The following FAM114A1 variants were observed in gnomAD, a reference collection of about 807,000 sequenced individuals.
FAM114A1 encodes the protein protein NOXP20.
A neutral mutation model predicts 64.3 loss-of-function variants in FAM114A1; 62 were observed. That is an observed-to-expected ratio of 0.96 (90% CI 0.79 to 1.19). FAM114A1 has a LOEUF of 1.19. Among genes scored for constraint, FAM114A1 ranks in the 50% most tolerant of loss-of-function variants. The pLI, the probability that FAM114A1 is intolerant of heterozygous loss-of-function variation, is 0.00. For synonymous variants in FAM114A1, 254 were observed against 251.1 expected (o/e 1.01, Z -0.11); for missense variants, 645 against 676.3 (o/e 0.95, Z 0.51).
intron 3 of FAM114A1, among the ~76,000 whole-genome samples, chr4:38,887,988 C>CT (rs1299160759): frequency 6.6e-6 from 1 of 152,116 alleles, no homozygotes; most frequent in Admixed American, 6.6e-5. Flanking sequence ...TACGCAGCAC[C>CT]TGATTCTTGA....
At chr4:38,886,871 T>C (rs1579311232) in intron 3 of FAM114A1, among the ~76,000 whole-genome samples, 1 of 142,466 alleles carries the variant, frequency 7.0e-6, no homozygotes, top group Admixed American at 7.5e-5. Context: ...GAGGCTGCAG[T>C]GAACCAAAAT....
chr4:38,875,500 T>C (rs889374144), intron 2 of FAM114A1, among the ~76,000 whole-genome samples: 3 of 152,264 alleles, frequency 2.0e-5, no homozygotes, highest in Admixed American at 1.3e-4. Flanking sequence ...GAAATGCTAC[T>C]GATTTTTGTA....
intron 6 of FAM114A1, 24 bp downstream of exon 6, chr4:38,905,885 C>T (rs1318191297): frequency 2.5e-6 from 4 of 1,592,688 alleles, no homozygotes; most frequent in Non-Finnish European, 3.4e-6. Context: ...TGCTTCCTCT[C>T]TTTCCCCTGT....
chr4:38,903,981 C>G (rs374022703), intron 4 of FAM114A1, among the ~76,000 whole-genome samples: 6 of 152,160 alleles, frequency 3.9e-5, no homozygotes, highest in Admixed American at 6.5e-5. Context: ...AAATGCTACT[C>G]TTTAGGTTTG....
At position 38,906,974 on chromosome 4, in the gene FAM114A1, G is replaced by A. The variant is rs373721941; in HGVS notation, c.657+1113G>A. Among the ~76,000 whole-genome samples the A allele has an allele frequency of 5.3e-5, 8 of 152,272 alleles. No homozygotes were observed. In the East Asian group the frequency reaches 1.2e-3, roughly 22 times the overall value. On this transcript the variant is annotated intron_variant, in intron 6 of 14. Transcript: ENST00000358869. ...GTTCCAGTATCTATGCTAGATCTTGGATATATGCTGGCAAACAAGAGGGCA... is the reference window on the plus strand; with the variant it reads ...GTTCCAGTATCTATGCTAGATCTTGAATATATGCTGGCAAACAAGAGGGCA...
At chr4:38,894,494 A>T (rs1471216533) in intron 4 of FAM114A1, among the ~76,000 whole-genome samples, 2 of 152,212 alleles carry the variant, frequency 1.3e-5, no homozygotes, top group Non-Finnish European at 2.9e-5. Flanking sequence ...CTTTTTAAGT[A>T]GTAATGTCAG....
intron 8 of FAM114A1, among the ~76,000 whole-genome samples, chr4:38,922,353 G>A (rs1292691176): frequency 2.0e-5 from 3 of 152,264 alleles, no homozygotes; most frequent in Non-Finnish European, 2.9e-5. Context: ...CCATTTTATG[G>A]ATAAAGAAGC....
chr4:38,939,377 C>G (rs1207942270), intron 13 of FAM114A1, among the ~76,000 whole-genome samples: 1 of 152,152 alleles, frequency 6.6e-6, no homozygotes, highest in African/African-American at 2.4e-5. Context: ...AGCCATTATT[C>G]ATAACTTGAA....
intron 3 of FAM114A1, among the ~76,000 whole-genome samples, chr4:38,879,149 C>A (rs1315696898): frequency 1.3e-5 from 2 of 152,126 alleles, no homozygotes; most frequent in Non-Finnish European, 2.9e-5. Context: ...TGGGGCCGGG[C>A]AGGGGTGGGA....
chr4:38,868,090 T>C, intron 1 of FAM114A1: 1 of 420,360 alleles, frequency 2.4e-6, no homozygotes, highest in South Asian at 1.7e-5. Context: ...TCGCTCCGGG[T>C]CCACGCTCAT....
At chr4:38,941,076 C>CTT (rs11398065) in intron 14 of FAM114A1, 55 bp downstream of exon 14, 40,837 of 1,226,918 alleles carry the variant, frequency 0.033, 121 homozygotes, top group Admixed American at 0.061. Flanking sequence ...GTTAGAACTA[C>CTT]TTTTTTTTTT....
At chr4:38,932,564 A>G (rs1720742712) in intron 12 of FAM114A1, among the ~76,000 whole-genome samples, 190 bp downstream of exon 12, 1 of 152,096 alleles carries the variant, frequency 6.6e-6, no homozygotes, top group Non-Finnish European at 1.5e-5. Context: ...TGGCATGATC[A>G]TGACTCACTG....
chr4:38,903,771 G>T (rs547270699), intron 4 of FAM114A1, among the ~76,000 whole-genome samples: 2 of 152,116 alleles, frequency 1.3e-5, no homozygotes, highest in Non-Finnish European at 2.9e-5. Flanking sequence ...AATTTGAACT[G>T]TGTCTAATGA....
intron 1 of FAM114A1, 146 bp from the exon 2 acceptor site, chr4:38,868,252 C>T (rs1271250160): frequency 6.3e-6 from 1 of 158,396 alleles, no homozygotes; most frequent in African/African-American, 2.4e-5. Flanking sequence ...CAGAGGTGGG[C>T]TGCAGGGTCC....
chr4:38,913,177 G>A (rs981095589), intron 7 of FAM114A1, among the ~76,000 whole-genome samples: 3 of 152,166 alleles, frequency 2.0e-5, no homozygotes, highest in African/African-American at 4.8e-5. Context: ...CCCCATACAC[G>A]TAATGCCTCA....
At chr4:38,902,472 G>A (rs1717607764) in intron 4 of FAM114A1, among the ~76,000 whole-genome samples, 1 of 152,164 alleles carries the variant, frequency 6.6e-6, no homozygotes, top group African/African-American at 2.4e-5. Context: ...TAAATGATGG[G>A]AGCAGAAATC....
At position 38,886,649 on chromosome 4, in the gene FAM114A1, C is replaced by T. The variant is rs567166855; in HGVS notation, c.349-5094C>T. Among the ~76,000 whole-genome samples the T allele has an allele frequency of 2.6e-4, 39 of 151,678 alleles. No individual in the cohort carries two copies. In the South Asian group the frequency reaches 4.2e-3, roughly 16 times the overall value. Reference sequence around the variant, plus strand: ...GCATGTATAGAAATGTAGCCTGGGCCGGGCACAGTGGCTCACACCTGTAAT... The same window carrying T: ...GCATGTATAGAAATGTAGCCTGGGCTGGGCACAGTGGCTCACACCTGTAAT... On this transcript the variant is annotated intron_variant, in intron 3 of 14. Coordinates refer to ENST00000358869, the MANE Select transcript of FAM114A1 (RefSeq NM_138389.4).
At chr4:38,889,451 A>G (rs773379208) in intron 3 of FAM114A1, among the ~76,000 whole-genome samples, 19 of 152,214 alleles carry the variant, frequency 1.2e-4, no homozygotes, top group Non-Finnish European at 2.1e-4. Flanking sequence ...TCTTAAAAGC[A>G]TAGTTTCTTC....
At chr4:38,923,223 A>ATTTT (rs1719782140) in intron 9 of FAM114A1, among the ~76,000 whole-genome samples, 1 of 115,220 alleles carries the variant, frequency 8.7e-6, no homozygotes, top group Non-Finnish European at 1.9e-5. Flanking sequence ...TTATGCTGCC[A>ATTTT]CTTTTTTTTT....
Sources: gnomAD v4.1 joint callset for allele counts (sites outside exome capture counted in the v4.1 genomes callset) on GRCh38, gnomAD v4.1.1 for gene constraint, MANE v1.5 for transcripts, NCBI Gene and HGNC (gene_info 2026-07-23, HGNC 2026-07-21) for gene names.